The following NOC3L variants were observed in gnomAD, a reference collection of about 807,000 sequenced individuals.
NOC3L encodes the protein nucleolar complex protein 3 homolog.
NOC3L carries 85 observed loss-of-function variants against 102.5 expected under a neutral mutation model. The ratio of observed to expected loss-of-function variants is 0.83; its 90% confidence interval spans 0.70 to 0.99. NOC3L has a LOEUF of 0.99. Among genes scored for constraint, NOC3L ranks in the 50% least tolerant of loss-of-function variants. The pLI is 0.00. For missense variants in NOC3L, 878 were observed against 914.9 expected (o/e 0.96, Z 0.52); for synonymous variants, 303 against 309.4 (o/e 0.98, Z 0.22).
chr10:94,338,606 A>G lies in NOC3L; in HGVS notation c.2091+2T>C. ...AAAGAAAAAAACCAGGGCCACTCTT[A>G]CCCGCAGAGCATGCAGTTCCCACAG... On this transcript the variant is annotated splice_donor_variant, in intron 18 of 20. Coordinates refer to ENST00000371361, the MANE Select transcript of NOC3L (RefSeq NM_022451.11). LOFTEE classifies it high-confidence loss of function. 1 of 1,534,884 alleles carries G rather than the reference A, an allele frequency of 6.5e-7. No individual in the cohort carries two copies. Among genetic ancestry groups the G allele is most frequent in the Non-Finnish European group, 8.8e-7 (1 of 1,136,320 alleles).
At chr10:94,330,176 C>G (rs1005665501), downstream of NOC3L, 5 of 152,172 alleles carry the variant, frequency 3.3e-5, no homozygotes, top group Non-Finnish European at 7.3e-5. Flanking sequence ...AGCGCTGCCC[C>G]ACTCCTCCTC....
intron 13 of NOC3L, among the ~76,000 whole-genome samples, chr10:94,343,767 A>G (rs941341306): frequency 3.3e-5 from 5 of 152,240 alleles, no homozygotes; most frequent in African/African-American, 1.2e-4. Flanking sequence ...GTGTTAAAAT[A>G]CTTCAGATAA....
chr10:94,342,390 T>C (rs1039571433), intron 13 of NOC3L, among the ~76,000 whole-genome samples: 4 of 152,154 alleles, frequency 2.6e-5, no homozygotes, highest in Non-Finnish European at 4.4e-5. Flanking sequence ...TAGCAAGAAG[T>C]CTTTGATCTA....
the NOC3L span, among the ~76,000 whole-genome samples, chr10:94,327,546 A>C: frequency 3.3e-5 from 5 of 152,168 alleles, no homozygotes; most frequent in Non-Finnish European, 7.4e-5. Context: ...AGCAAAAAGA[A>C]AGTTAGTTTA....
rs768192829 is a variant in NOC3L, at chr10:94,361,943, T to G, written c.10-71A>C. 12 of 1,172,032 alleles carry G rather than the reference T, an allele frequency of 1.0e-5. No individual in the cohort carries two copies. The South Asian group carries it at 1.5e-4, about 15-fold the overall frequency. The allele number at this position is 1,172,032 out of a possible 1,614,324, so 72.6% of individuals were successfully genotyped here. A position where few individuals can be genotyped will look rare whatever the true frequency, so the allele number is the denominator to read the frequency against. ...TTAAATCAGGTTAAAGAGAACTGAT[T>G]ACAAATTTCATTAGACCAATTCCAC... On this transcript the variant is annotated intron_variant, in intron 1 of 20. Transcript: ENST00000371361.
the NOC3L span, among the ~76,000 whole-genome samples, chr10:94,325,834 T>C: frequency 1.3e-5 from 2 of 152,158 alleles, no homozygotes; most frequent in Non-Finnish European, 2.9e-5. Context: ...TTTCTCGTTT[T>C]ATTACTGTTC....
At chr10:94,351,820 G>A (rs2054422996) in intron 8 of NOC3L, among the ~76,000 whole-genome samples, 1 of 151,756 alleles carries the variant, frequency 6.6e-6, no homozygotes. Flanking sequence ...GACCCACCAC[G>A]CCTGGCCTCT....
chr10:94,361,225 A>AC (rs1187380814), intron 2 of NOC3L: 6 of 157,908 alleles, frequency 3.8e-5, no homozygotes, highest in Non-Finnish European at 8.3e-5. Context: ...ACTCAATTTC[A>AC]CCCCAAGTTT....
At chr10:94,338,811 G>A in intron 17 of NOC3L, 75 bp from the exon 18 acceptor site, 1 of 1,274,358 alleles carries the variant, frequency 7.8e-7, no homozygotes, top group Non-Finnish European at 1.1e-6. Context: ...GTTTGTAGTT[G>A]TATTTGCATT....
intron 19 of NOC3L, 30 bp downstream of exon 19, chr10:94,337,747 G>A (rs1283283520): frequency 2.7e-6 from 4 of 1,463,776 alleles, no homozygotes; most frequent in Non-Finnish European, 2.9e-6. Context: ...CAATTCTGTA[G>A]TTTTAGAATA....
the NOC3L span, chr10:94,315,228 A>G: frequency 3.0e-6 from 1 of 334,500 alleles, no homozygotes; most frequent in Non-Finnish European, 5.9e-6. Flanking sequence ...CTTCCTGAGA[A>G]CCTTCACTCC....
intron 6 of NOC3L, among the ~76,000 whole-genome samples, chr10:94,354,257 T>C (rs904666388): frequency 2.0e-5 from 3 of 152,238 alleles, no homozygotes; most frequent in Non-Finnish European, 4.4e-5. Flanking sequence ...CTTGTTATAA[T>C]AGTATGCTGG....
chr10:94,344,818 AT>A, intron 12 of NOC3L, 34 bp downstream of exon 12: 1 of 1,483,602 alleles, frequency 6.7e-7, no homozygotes, highest in South Asian at 1.2e-5. Context: ...AACTTAACGC[AT>A]TTTAAAAGCA....
chr10:94,362,412 G>A (rs1009649348), intron 1 of NOC3L, among the ~76,000 whole-genome samples: 4 of 152,086 alleles, frequency 2.6e-5, no homozygotes, highest in African/African-American at 9.7e-5. Context: ...AAATCCCAAA[G>A]TTAGTCCTGA....
Position 94,358,130 on chromosome 10 carries a change from C to T in NOC3L, c.303G>A (p.Lys101=), listed in dbSNP as rs1230589513. Residue 101 remains lysine (K), a synonymous_variant, in exon 3 of 21, where the codon AAG becomes AAA. Coordinates refer to ENST00000371361, the MANE Select transcript of NOC3L (RefSeq NM_022451.11). ...GAAAAGATACTCTTTGTCCTAAATC[C>T]TTCATTAACTGTAAGTCATCTTCAT... ...MMDEDDLQLM[K]DLGQRVSFLT... is the part of the protein sequence containing the mutation. 1 of 1,611,340 alleles carries T rather than the reference C, an allele frequency of 6.2e-7. No homozygotes were observed. The highest frequency in any genetic ancestry group is 1.7e-5 in the Admixed American group (1 of 59,976).
intron 19 of NOC3L, among the ~76,000 whole-genome samples, chr10:94,334,930 T>G (rs1023918431): frequency 2.0e-5 from 3 of 152,242 alleles, no homozygotes; most frequent in African/African-American, 7.2e-5. Context: ...AGGTTTGGTA[T>G]ACATTTAGCA....
At position 94,341,757 on chromosome 10, in the gene NOC3L, C is replaced by A; in HGVS notation, c.1572-12G>T. Reference sequence around the variant, plus strand: ...TAAGGTGAGCAAACCTGGAATCAAACAAAACAGTTAATCAGTGAACTAAAA... The same window carrying A: ...TAAGGTGAGCAAACCTGGAATCAAAAAAAACAGTTAATCAGTGAACTAAAA... On this transcript the variant is annotated splice_polypyrimidine_tract_variant and intron_variant, in intron 13 of 20. Coordinates refer to ENST00000371361, the MANE Select transcript of NOC3L (RefSeq NM_022451.11). 4 of 1,499,372 alleles carry A rather than the reference C, an allele frequency of 2.7e-6. No individual in the cohort carries two copies. Among genetic ancestry groups the A allele is most frequent in the South Asian group, 1.4e-5 (1 of 73,564 alleles). 92.9% of individuals were successfully genotyped at this position (1,499,372 alleles called of 1,614,324 possible). A position where few individuals can be genotyped will look rare whatever the true frequency, so the allele number is the denominator to read the frequency against.
intron 14 of NOC3L, among the ~76,000 whole-genome samples, chr10:94,341,431 TA>T (rs1285347169): frequency 2.7e-3 from 377 of 139,660 alleles, no homozygotes; most frequent in Non-Finnish European, 2.9e-3. Context: ...TGCATCAATT[TA>T]AAAAAAAAAA....
At chr10:94,352,024 C>A (rs920370065) in intron 8 of NOC3L, among the ~76,000 whole-genome samples, 2 of 152,140 alleles carry the variant, frequency 1.3e-5, no homozygotes, top group African/African-American at 2.4e-5. Context: ...GTTTAAAGCA[C>A]CTCATATCTA....
Sources: allele counts gnomAD v4.1 joint callset (sites outside exome capture counted in the v4.1 genomes callset), GRCh38; gene constraint gnomAD v4.1.1; transcripts MANE v1.5; gene names NCBI Gene and HGNC (gene_info 2026-07-23, HGNC 2026-07-21).